PPARGC1A: variants seen among roughly 807,000 people sequenced by gnomAD.
PPARGC1A encodes the protein peroxisome proliferator-activated receptor gamma coactivator 1-alpha.
PPARGC1A carries 25 observed loss-of-function variants against 88.7 expected under a neutral mutation model. The observed-to-expected ratio is 0.28, with a 90% CI of 0.21 to 0.39. The LOEUF (loss-of-function observed/expected upper bound fraction) is 0.39, where lower values mean the gene tolerates loss of function less well. Among genes scored for constraint, PPARGC1A ranks in the 10% least tolerant of loss-of-function variants. The pLI, the probability that PPARGC1A is intolerant of heterozygous loss-of-function variation, is 1.00. For synonymous variants in PPARGC1A, 363 were observed against 355.6 expected (o/e 1.02, Z -0.24); for missense variants, 880 against 968.7 (o/e 0.91, Z 1.22).
chr4:24,284,075 G>A, the PPARGC1A span, among the ~76,000 whole-genome samples: 4 of 150,038 alleles, frequency 2.7e-5, no homozygotes, highest in African/African-American at 9.9e-5. Flanking sequence ...TTGAGGTCAG[G>A]AGTTCAAAAC....
the PPARGC1A span, among the ~76,000 whole-genome samples, chr4:24,101,215 T>A: frequency 6.6e-6 from 1 of 152,158 alleles, no homozygotes; most frequent in African/African-American, 2.4e-5. Flanking sequence ...CGAGATCTGG[T>A]TGTTTAAAAG....
chr4:24,399,792 T>G, the PPARGC1A span, among the ~76,000 whole-genome samples: 1 of 134,676 alleles, frequency 7.4e-6, no homozygotes, highest in Non-Finnish European at 1.6e-5. Context: ...AGGAATCTCC[T>G]TTTTTTTTTT....
chr4:24,388,601 A>C, the PPARGC1A span, among the ~76,000 whole-genome samples: 5 of 152,232 alleles, frequency 3.3e-5, no homozygotes, highest in African/African-American at 1.2e-4. Flanking sequence ...CTGGATAAAG[A>C]AAATGTGACA....
At chr4:24,272,970 G>A in the PPARGC1A span, among the ~76,000 whole-genome samples, 1 of 152,134 alleles carries the variant, frequency 6.6e-6, no homozygotes, top group Non-Finnish European at 1.5e-5. Flanking sequence ...TTAAAGGGAA[G>A]GAATAAAATT....
At chr4:24,430,217 C>T in the PPARGC1A span, among the ~76,000 whole-genome samples, 1 of 151,688 alleles carries the variant, frequency 6.6e-6, no homozygotes, top group Non-Finnish European at 1.5e-5. Flanking sequence ...ACAACACTAG[C>T]CCTTTCTATG....
chr4:23,856,396 C>T (rs1003430278), intron 2 of PPARGC1A, among the ~76,000 whole-genome samples: 2 of 152,170 alleles, frequency 1.3e-5, no homozygotes, highest in Admixed American at 1.3e-4. Flanking sequence ...TGCCTTTGTT[C>T]GTTGGCTTTC....
chr4:23,925,754 A>G, the PPARGC1A span, among the ~76,000 whole-genome samples: 7 of 152,184 alleles, frequency 4.6e-5, no homozygotes, highest in South Asian at 2.1e-4. Context: ...CCAACTGTAT[A>G]CTTTCGTTTT....
chr4:24,470,320 ACACACT>A, the PPARGC1A span, among the ~76,000 whole-genome samples: 2,194 of 120,694 alleles, frequency 0.018, 66 homozygotes, highest in Non-Finnish European at 0.024. This position sits in a 1 kb window ranked among gnomAD's most constrained non-coding sequence, Gnocchi z 5.8. Flanking sequence ...ACACACACAC[ACACACT>A]CTCTCACACA....
the PPARGC1A span, among the ~76,000 whole-genome samples, chr4:24,252,048 C>T: frequency 1.1e-4 from 16 of 151,988 alleles, no homozygotes; most frequent in South Asian, 2.9e-3. Context: ...CCCTGTTATT[C>T]GAGATAACTT....
the PPARGC1A span, among the ~76,000 whole-genome samples, chr4:24,375,608 C>T: frequency 2.6e-5 from 4 of 152,036 alleles, no homozygotes; most frequent in African/African-American, 7.2e-5. Flanking sequence ...GCTGGGGATA[C>T]GGTAAATCAC....
chr4:24,433,772 C>A, the PPARGC1A span, among the ~76,000 whole-genome samples: 1 of 152,130 alleles, frequency 6.6e-6, no homozygotes, highest in African/African-American at 2.4e-5. Context: ...GCTCTAACTC[C>A]TCATCATTCC....
At chr4:24,205,292 T>A in the PPARGC1A span, among the ~76,000 whole-genome samples, 1 of 152,342 alleles carries the variant, frequency 6.6e-6, no homozygotes, top group East Asian at 1.9e-4. Flanking sequence ...CTGAATCATT[T>A]CACTCATCTC....
At chr4:24,466,863 A>T in the PPARGC1A span, among the ~76,000 whole-genome samples, 6 of 138,356 alleles carry the variant, frequency 4.3e-5, no homozygotes, top group Non-Finnish European at 7.7e-5. Context: ...GCAGTGAGCT[A>T]AGATTGCACC....
At chr4:23,961,720 G>A in the PPARGC1A span, among the ~76,000 whole-genome samples, 1 of 151,418 alleles carries the variant, frequency 6.6e-6, no homozygotes, top group African/African-American at 2.4e-5. Context: ...GCCAGAACTG[G>A]CCCTCTTCCC....
chr4:24,287,589 A>C, the PPARGC1A span, among the ~76,000 whole-genome samples: 1 of 150,720 alleles, frequency 6.6e-6, no homozygotes, highest in Non-Finnish European at 1.5e-5. Context: ...CTGATACAGA[A>C]CCAAGAGCTC....
the PPARGC1A span, among the ~76,000 whole-genome samples, chr4:24,450,472 A>C: frequency 1.3e-5 from 2 of 152,210 alleles, no homozygotes; most frequent in Non-Finnish European, 2.9e-5. Flanking sequence ...TCTTTCTAGA[A>C]CTTTCATATG....
At chr4:24,176,700 G>T in the PPARGC1A span, among the ~76,000 whole-genome samples, 1 of 152,156 alleles carries the variant, frequency 6.6e-6, no homozygotes, top group African/African-American at 2.4e-5. Context: ...TCACAGAGAA[G>T]CATAACCCCA....
chr4:24,041,177 G>C, the PPARGC1A span, among the ~76,000 whole-genome samples: 7 of 152,154 alleles, frequency 4.6e-5, no homozygotes, highest in Admixed American at 4.6e-4. Context: ...TTTAAAGATT[G>C]TGTCAATGGG....
At chr4:24,232,791 C>T in the PPARGC1A span, among the ~76,000 whole-genome samples, 69 of 152,308 alleles carry the variant, frequency 4.5e-4, no homozygotes, top group African/African-American at 1.6e-3. Context: ...CTTTTTGACT[C>T]AGGGCATTGT....
Sources: gnomAD v4.1 joint callset for allele counts (sites outside exome capture counted in the v4.1 genomes callset) on GRCh38, gnomAD v4.1.1 for gene constraint, Gnocchi (gnomAD v3.1) non-coding constraint, MANE v1.5 for transcripts, NCBI Gene and HGNC (gene_info 2026-07-23, HGNC 2026-07-21) for gene names.